The following SLFN12L variants were observed in gnomAD, a reference collection of about 807,000 sequenced individuals.
SLFN12L encodes the protein schlafen family member 12 like, also known as schlafen family member 12-like.
Under a neutral mutation model 34.8 loss-of-function variants are expected in SLFN12L, and 34 were observed. That is an observed-to-expected ratio of 0.98 (90% CI 0.74 to 1.30). SLFN12L has a LOEUF of 1.30. Among genes scored for constraint, SLFN12L ranks in the 50% most tolerant of loss-of-function variants. SLFN12L has a pLI of 0.00. For missense variants in SLFN12L, 703 were observed against 696.2 expected (o/e 1.01, Z -0.11); for synonymous variants, 259 against 247.5 (o/e 1.05, Z -0.44).
At chr17:35,492,263 C>A (rs1005763943) in intron 2 of SLFN12L, among the ~76,000 whole-genome samples, 4 of 152,180 alleles carry the variant, frequency 2.6e-5, no homozygotes, top group African/African-American at 9.7e-5. Flanking sequence ...GAAGGAGGAG[C>A]TTGGAGCGAG....
At chr17:35,527,449 C>T (rs1182458944) in intron 1 of SLFN12L, among the ~76,000 whole-genome samples, 1 of 151,928 alleles carries the variant, frequency 6.6e-6, no homozygotes, top group Non-Finnish European at 1.5e-5. Context: ...GCAAAAAATC[C>T]TCAAAAAAAT....
intron 2 of SLFN12L, among the ~76,000 whole-genome samples, chr17:35,494,078 A>G (rs1009410568): frequency 6.6e-6 from 1 of 152,216 alleles, no homozygotes; most frequent in Non-Finnish European, 1.5e-5. Flanking sequence ...GTCGGGTAGC[A>G]GTTGTCAGAG....
chr17:35,530,453 AAAGAAAG>A (rs2072392779), intron 1 of SLFN12L, among the ~76,000 whole-genome samples: 1 of 54,222 alleles, frequency 1.8e-5, no homozygotes, highest in African/African-American at 5.4e-5. Flanking sequence ...AGAAAGAAAG[AAAGAAAG>A]AAAGAAAGAA....
chr17:35,530,406 GAA>G (rs1567693462), intron 1 of SLFN12L, among the ~76,000 whole-genome samples: 242 of 11,154 alleles, frequency 0.022, 28 homozygotes, highest in East Asian at 0.12. Context: ...AGGAAGGAAG[GAA>G]GGAAGGAAGG....
chr17:35,530,493 A>AG (rs2072394846), intron 1 of SLFN12L, among the ~76,000 whole-genome samples: 1 of 43,336 alleles, frequency 2.3e-5, no homozygotes, highest in African/African-American at 6.3e-5. Context: ...AGAAAGAAAG[A>AG]AAGAAAGAAA....
chr17:35,487,050 G>T (rs1026539196), intron 2 of SLFN12L, among the ~76,000 whole-genome samples: 1 of 152,196 alleles, frequency 6.6e-6, no homozygotes, highest in Non-Finnish European at 1.5e-5. Flanking sequence ...GATCTAGGGC[G>T]CAGTTCGTCA....
intron 2 of SLFN12L, among the ~76,000 whole-genome samples, chr17:35,501,669 A>T (rs1051589656): frequency 2.0e-5 from 3 of 152,172 alleles, no homozygotes; most frequent in South Asian, 4.1e-4. Flanking sequence ...ATGTGGAAAA[A>T]TTTCAAGAAA....
intron 2 of SLFN12L, among the ~76,000 whole-genome samples, chr17:35,515,497 T>C (rs1915788924): frequency 6.6e-6 from 1 of 152,132 alleles, no homozygotes; most frequent in South Asian, 2.1e-4. Context: ...AGACCTATTC[T>C]CGTTCTGTCA....
At chr17:35,480,264 C>A in intron 2 of SLFN12L, 69 bp from the exon 3 acceptor site, 2 of 1,236,480 alleles carry the variant, frequency 1.6e-6, no homozygotes, top group Non-Finnish European at 2.2e-6. Context: ...ATGAGGCAAA[C>A]GTAGAAAAAT....
rs1205983750 is a variant in SLFN12L at position 35,508,616 on chromosome 17, G to A, written c.86+13663C>T. ...GCCCACCTTGGCCTCCCAAAGTGCT[G>A]GGACTACAGGCATGAGCCACTGTGC... On this transcript the variant is annotated intron_variant, in intron 2 of 4. Transcript: ENST00000628453. Among the ~76,000 whole-genome samples the A allele has an allele frequency of 4.6e-5, 7 of 152,140 alleles. No homozygotes were observed. The East Asian group carries it at 1.3e-3, about 29-fold the overall frequency.
Position 35,470,020 on chromosome 17 carries a change from C to T in SLFN12L, c.*4903G>A, listed in dbSNP as rs1913780755. 6.6e-6 allele frequency: 1 copy of T among 152,210 alleles called. No homozygotes were observed. The highest frequency in any genetic ancestry group is 1.5e-5 in the Non-Finnish European group (1 of 68,042). The allele number at this position is 152,210 out of a possible 1,614,324, so 9.4% of individuals were successfully genotyped here. On this transcript the variant is annotated 3_prime_UTR_variant, in exon 5 of 5. Transcript: ENST00000628453. Reference sequence around the variant, plus strand: ...GACCCTGCATGACAGAGCAAGTCCCCTTCTCTTGGAACTATAAGTAATAAA... The same window carrying T: ...GACCCTGCATGACAGAGCAAGTCCCTTTCTCTTGGAACTATAAGTAATAAA...
At chr17:35,493,748 A>G (rs16971025) in intron 2 of SLFN12L, among the ~76,000 whole-genome samples, 4,908 of 152,320 alleles carry the variant, frequency 0.032, 149 homozygotes, top group East Asian at 0.16. Context: ...TGTGCATAGC[A>G]ATCATTTTAT....
chr17:35,493,885 T>C (rs968535337), intron 2 of SLFN12L, among the ~76,000 whole-genome samples: 3 of 152,248 alleles, frequency 2.0e-5, no homozygotes, highest in African/African-American at 7.2e-5. Context: ...TGTTATTTTG[T>C]TTTTGTTTTT....
intron 1 of SLFN12L, among the ~76,000 whole-genome samples, chr17:35,532,143 T>C (rs1282929001): frequency 6.6e-6 from 1 of 152,162 alleles, no homozygotes; most frequent in African/African-American, 2.4e-5. Flanking sequence ...CATAAATGAA[T>C]GGTTTTTAAA....
At position 35,473,189 on chromosome 17, in the gene SLFN12L, T is replaced by G. The variant is rs1470041815; in HGVS notation, c.*1734A>C. The stretch of plus-strand genomic sequence containing the variant: ...CTGGCCGGAACTTCCAATACTATGT[T>G]GAATAGGAGTGGTGAGAGAGGGCAT... On this transcript the variant is annotated 3_prime_UTR_variant, in exon 5 of 5. Coordinates refer to ENST00000628453, the MANE Select transcript of SLFN12L (RefSeq NM_001363830.2). Among the ~76,000 whole-genome samples, 8 of 152,204 alleles carry G rather than the reference T, an allele frequency of 5.3e-5. No homozygotes were observed. Among genetic ancestry groups the G allele is most frequent in the Non-Finnish European group, 1.5e-5 (1 of 68,030 alleles).
intron 2 of SLFN12L, among the ~76,000 whole-genome samples, chr17:35,514,459 G>C (rs1016144190): frequency 3.9e-5 from 6 of 152,102 alleles, no homozygotes; most frequent in African/African-American, 1.4e-4. Context: ...TCAACACTGA[G>C]CCCTGGGTGT....
At chr17:35,510,578 C>T (rs1036113870) in intron 2 of SLFN12L, among the ~76,000 whole-genome samples, 2 of 152,064 alleles carry the variant, frequency 1.3e-5, no homozygotes, top group Non-Finnish European at 2.9e-5. Flanking sequence ...GGAGAGGAGA[C>T]GTTGCCAGGG....
rs1206455847 is a variant in SLFN12L, at chr17:35,465,120, TC to T, written c.*9802del. 6.6e-6 allele frequency among the ~76,000 whole-genome samples: 1 copy of T among 152,178 alleles called. No individual in the cohort carries two copies. The highest frequency in any genetic ancestry group is 1.5e-5 in the Non-Finnish European group (1 of 68,028). ...GTCTCGAACTCCTGGCCTCAAGTGA[TC>T]CGCCTGTCTCGGCCTCCCAAAGTGC... On this transcript the variant is annotated 3_prime_UTR_variant, in exon 5 of 5. Transcript: ENST00000628453.
At chr17:35,487,782 C>T in intron 2 of SLFN12L, 4 of 1,534,952 alleles carry the variant, frequency 2.6e-6, no homozygotes, top group Non-Finnish European at 3.5e-6. Flanking sequence ...GAGTTCTTTT[C>T]CACTTTCCTG....
Sources: allele counts gnomAD v4.1 joint callset (sites outside exome capture counted in the v4.1 genomes callset), GRCh38; gene constraint gnomAD v4.1.1; transcripts MANE v1.5; gene names NCBI Gene and HGNC (gene_info 2026-07-23, HGNC 2026-07-21).